ADARB2: variants seen among roughly 807,000 people sequenced by gnomAD.
ADARB2 encodes the protein inactive double-stranded RNA-specific editase B2.
In ADARB2, 25 loss-of-function variants were observed where a neutral mutation model predicts 62.2. The ratio of observed to expected loss-of-function variants is 0.40; its 90% CI spans 0.29 to 0.56. The LOEUF is 0.56. Ranked by LOEUF, ADARB2 falls within the 20% of genes least tolerant of loss-of-function variation. The probability of loss-of-function intolerance (pLI) is 0.43; values close to 1 mark genes in which losing one functional copy is unlikely to be tolerated. For synonymous variants in ADARB2, 572 were observed against 500.8 expected, an observed-to-expected ratio of 1.14 and a Z score of -1.90; for missense variants, 1,071 against 1,077.4, an observed-to-expected ratio of 0.99 and a Z score of 0.08.
chr10:1,634,253 A>C (rs367884104), intron 1 of ADARB2, among the ~76,000 whole-genome samples: 1 of 152,196 alleles, frequency 6.6e-6, no homozygotes, highest in Non-Finnish European at 1.5e-5. Context: ...CTGTGAGAAC[A>C]CTGGACATGG....
intron 7 of ADARB2, among the ~76,000 whole-genome samples, chr10:1,210,840 G>A (rs146852900): frequency 2.6e-5 from 4 of 152,276 alleles, no homozygotes; most frequent in Non-Finnish European, 4.4e-5. Flanking sequence ...GCCCCTTCCC[G>A]CGCTGGGGCC....
At chr10:1,549,904 T>C (rs778235963) in intron 1 of ADARB2, among the ~76,000 whole-genome samples, 1 of 152,182 alleles carries the variant, frequency 6.6e-6, no homozygotes, top group Non-Finnish European at 1.5e-5. Flanking sequence ...TGAGATTAGA[T>C]GGAGCTCTCT....
chr10:1,460,043 T>C lies in ADARB2; in HGVS notation c.101-80883A>G, dbSNP rs2676718. Among the ~76,000 whole-genome samples, 52 of 64,338 alleles carry C rather than the reference T, an allele frequency of 8.1e-4. 3 individuals carry two copies. The highest frequency in any genetic ancestry group is 1.4e-3 in the East Asian group (4 of 2,950). 42.2% of individuals were successfully genotyped at this position (64,338 alleles called of 152,430 possible). A position where few individuals can be genotyped will look rare whatever the true frequency, so the allele number is the denominator to read the frequency against. On this transcript the variant is annotated intron_variant, in intron 1 of 9. Transcript: ENST00000381312. ...CCTGCCTGTGACCTGAGTTTACCTG[T>C]GTAGCAAACCTGCCTGTGACCTGAG... is the stretch of plus-strand genomic sequence containing the variant.
At chr10:1,585,649 G>A (rs1156447146) in intron 1 of ADARB2, among the ~76,000 whole-genome samples, 1 of 152,208 alleles carries the variant, frequency 6.6e-6, no homozygotes, top group Admixed American at 6.5e-5. Flanking sequence ...AGCCCCTGCT[G>A]ACCTCAAGTT....
chr10:1,408,359 C>A (rs936906656), intron 1 of ADARB2, among the ~76,000 whole-genome samples: 2 of 151,696 alleles, frequency 1.3e-5, no homozygotes, highest in Non-Finnish European at 2.9e-5. Flanking sequence ...TGTGTAGATA[C>A]GTGCTCACAT....
chr10:1,699,367 T>C (rs79545803), intron 1 of ADARB2, among the ~76,000 whole-genome samples: 2,089 of 20,456 alleles, frequency 0.1, 6 homozygotes, highest in Middle Eastern at 0.2. Flanking sequence ...CGCTCGCCAA[T>C]ACACGCAATC....
In ADARB2 at chr10:1,178,034, T is replaced by C. The variant is rs965866234; in HGVS notation, c.*5159A>G. 1 of 152,172 alleles carries C rather than the reference T, an allele frequency of 6.6e-6. No individual in the cohort carries two copies. The highest frequency in any genetic ancestry group is 1.5e-5 in the Non-Finnish European group (1 of 68,030). The allele number at this position is 152,172 out of a possible 1,614,324, so 9.4% of individuals were successfully genotyped here. A position where few individuals can be genotyped will look rare whatever the true frequency, so the allele number is the denominator to read the frequency against. ...TTCCTTCTGGTGGGAGGTCAGAACA[T>C]GTGGACACATTCAGGAGAGTCCAAA... On this transcript the variant is annotated 3_prime_UTR_variant, in exon 10 of 10. Transcript: ENST00000381312.
At chr10:1,460,015 A>G (rs2813422) in intron 1 of ADARB2, among the ~76,000 whole-genome samples, 13,845 of 63,504 alleles carry the variant, frequency 0.22, 1,776 homozygotes, top group Non-Finnish European at 0.31. Flanking sequence ...CCTGCGTAAC[A>G]AACCTGCCTG....
At chr10:1,492,563 C>A (rs533762504) in intron 1 of ADARB2, among the ~76,000 whole-genome samples, 1 of 152,204 alleles carries the variant, frequency 6.6e-6, no homozygotes, top group South Asian at 2.1e-4. Flanking sequence ...GGATGGATTT[C>A]AGTTGCTTTA....
intron 1 of ADARB2, among the ~76,000 whole-genome samples, chr10:1,558,357 G>T (rs1832736283): frequency 1.4e-5 from 2 of 142,496 alleles, no homozygotes; most frequent in Admixed American, 1.4e-4. Context: ...CCATTCTGTG[G>T]GTGCTCAGCC....
intron 1 of ADARB2, among the ~76,000 whole-genome samples, chr10:1,533,910 G>C (rs971477735): frequency 6.6e-6 from 1 of 151,910 alleles, no homozygotes; most frequent in South Asian, 2.1e-4. Context: ...GGTTTTTAAC[G>C]TAATCATTTA....
chr10:1,686,924 A>C (rs1834603317), intron 1 of ADARB2, among the ~76,000 whole-genome samples: 1 of 152,034 alleles, frequency 6.6e-6, no homozygotes. Context: ...TGAAGAAATT[A>C]CATTTTTTTT....
At chr10:1,546,879 C>T (rs964453236) in intron 1 of ADARB2, among the ~76,000 whole-genome samples, 5 of 152,318 alleles carry the variant, frequency 3.3e-5, no homozygotes, top group East Asian at 1.9e-4. Context: ...GGCGGGAATG[C>T]GATGAGGGCT....
intron 3 of ADARB2, among the ~76,000 whole-genome samples, chr10:1,308,231 G>A (rs185313218): frequency 1.3e-5 from 2 of 152,178 alleles, no homozygotes; most frequent in East Asian, 3.9e-4. Flanking sequence ...CCATGGTCTT[G>A]CCTTTTCCAG....
intron 1 of ADARB2, among the ~76,000 whole-genome samples, chr10:1,614,697 T>G (rs1430244150): frequency 2.6e-5 from 4 of 152,074 alleles, no homozygotes; most frequent in African/African-American, 9.6e-5. Flanking sequence ...GGATCACGAG[T>G]TCAGGAGATT....
chr10:1,186,742 G>C lies in ADARB2; in HGVS notation c.1865-1703C>G, dbSNP rs566144310. Among the ~76,000 whole-genome samples, 4 of 152,364 alleles carry C rather than the reference G, an allele frequency of 2.6e-5. No individual in the cohort carries two copies. The South Asian group carries it at 8.3e-4, about 32-fold the overall frequency. On this transcript the variant is annotated intron_variant, in intron 8 of 9. Transcript: ENST00000381312. Reference sequence around the variant, plus strand: ...TTGCATATAGGCCAGCCAAGTGCCTGCTCAGGTCCCTGGGAAGCCACTGGC... The same window carrying C: ...TTGCATATAGGCCAGCCAAGTGCCTCCTCAGGTCCCTGGGAAGCCACTGGC...
rs552899797 is a variant in ADARB2, at chr10:1,289,668, C to T, written c.1078-18599G>A. On this transcript the variant is annotated intron_variant, in intron 3 of 9. Coordinates refer to ENST00000381312, the MANE Select transcript of ADARB2 (RefSeq NM_018702.4). ...TCTCACTGGCTCCGTGGCCAGGACC[C>T]GTTCTCTCTGCCCCTCGCTTTGGTC... is the stretch of plus-strand genomic sequence containing the variant. Among the ~76,000 whole-genome samples, 14 of 152,398 alleles carry T rather than the reference C, an allele frequency of 9.2e-5. No individual in the cohort carries two copies. The South Asian group carries it at 1.0e-3, about 11-fold the overall frequency.
At chr10:1,649,736 C>T (rs75437872) in intron 1 of ADARB2, among the ~76,000 whole-genome samples, 3 of 152,322 alleles carry the variant, frequency 2.0e-5, no homozygotes, top group Non-Finnish European at 4.4e-5. Flanking sequence ...CAGTGCTGGA[C>T]ACCCCAGTCC....
At chr10:1,691,558 C>A (rs1834672991) in intron 1 of ADARB2, among the ~76,000 whole-genome samples, 1 of 152,206 alleles carries the variant, frequency 6.6e-6, no homozygotes. Flanking sequence ...ATGTTTAATG[C>A]TGACTACATG....
Sources: allele counts gnomAD v4.1 joint callset (sites outside exome capture counted in the v4.1 genomes callset), GRCh38; gene constraint gnomAD v4.1.1; transcripts MANE v1.5; gene names NCBI Gene and HGNC (gene_info 2026-07-23, HGNC 2026-07-21).